Variants in TNPO3 observed in about 807,000 individuals in gnomAD.
TNPO3 encodes the protein transportin-3.
In TNPO3, 65 loss-of-function variants were observed where a neutral mutation model predicts 122.8. That is an observed-to-expected ratio of 0.53 (90% CI 0.43 to 0.65). The LOEUF (loss-of-function observed/expected upper bound fraction) is 0.65. Ranked by LOEUF, TNPO3 falls within the 30% of genes least tolerant of loss-of-function variation. The pLI, the probability that TNPO3 is intolerant of heterozygous loss-of-function variation, is 0.00. For missense variants in TNPO3, 850 were observed against 1,136.7 expected, an observed-to-expected ratio of 0.75 and a Z score of 3.63; for synonymous variants, 372 against 411.2, an observed-to-expected ratio of 0.90 and a Z score of 1.15.
chr7:128,991,909 G>T, intron 10 of TNPO3, 90 bp downstream of exon 10: 1 of 827,828 alleles, frequency 1.2e-6, no homozygotes, highest in Non-Finnish European at 1.9e-6. Context: ...AAAGTCTCCA[G>T]GTATATACCA....
intron 1 of TNPO3, among the ~76,000 whole-genome samples, chr7:129,033,906 C>CAAAAAAAAAAAAAA (rs776103730): frequency 1.4e-5 from 1 of 72,476 alleles, no homozygotes. Context: ...GAGCTAAACT[C>CAAAAAAAAAAAAAA]AAAAAAAAAA....
intron 1 of TNPO3, among the ~76,000 whole-genome samples, chr7:129,051,542 G>A (rs1012603736): frequency 6.6e-6 from 1 of 151,882 alleles, no homozygotes; most frequent in African/African-American, 2.4e-5. Flanking sequence ...TCGCTATGTT[G>A]CCCAGGCTGG....
intron 21 of TNPO3, among the ~76,000 whole-genome samples, chr7:128,960,821 A>G (rs1797375867): frequency 6.6e-6 from 1 of 152,014 alleles, no homozygotes; most frequent in African/African-American, 2.4e-5. Context: ...GTGCGGTGGC[A>G]CAATCTCGGC....
chr7:129,056,131 C>T (rs1490099674), upstream of TNPO3: 17 of 1,034,090 alleles, frequency 1.6e-5, no homozygotes, highest in Non-Finnish European at 2.3e-5. Context: ...CCTGCCGACA[C>T]CAAGGTGATT....
At chr7:129,029,048 C>T (rs182425418) in intron 1 of TNPO3, 48 of 307,308 alleles carry the variant, frequency 1.6e-4, no homozygotes, top group Admixed American at 1.3e-3. Flanking sequence ...TCTAAAGACA[C>T]ATCTAAGATA....
At chr7:128,970,005 A>G (rs1051088562) in intron 20 of TNPO3, 143 bp downstream of exon 20, 1 of 820,594 alleles carries the variant, frequency 1.2e-6, no homozygotes, top group Admixed American at 2.4e-5. Flanking sequence ...CTCTTCATCT[A>G]CCAATCTAAT....
intron 6 of TNPO3, 48 bp downstream of exon 6, chr7:129,001,011 A>C: frequency 1.3e-6 from 2 of 1,586,282 alleles, no homozygotes; most frequent in South Asian, 1.1e-5. Context: ...TAAAAGAATG[A>C]CCAGACTGTA....
chr7:129,054,228 G>A (rs1809173986), intron 1 of TNPO3, among the ~76,000 whole-genome samples: 2 of 152,146 alleles, frequency 1.3e-5, no homozygotes, highest in Non-Finnish European at 2.9e-5. Context: ...GCTACGACTG[G>A]GAGCAAAATG....
chr7:128,998,473 C>G (rs1801580596), intron 7 of TNPO3, among the ~76,000 whole-genome samples: 1 of 152,138 alleles, frequency 6.6e-6, no homozygotes. Context: ...TTCCACACAG[C>G]CTCCTGAGTA....
Position 129,015,075 on chromosome 7 carries a change from T to C in TNPO3, c.456A>G (p.Glu152=). The C allele has an allele frequency of 6.2e-7, 1 of 1,612,458 alleles. No homozygotes were observed. Among genetic ancestry groups the C allele is most frequent in the Non-Finnish European group, 8.5e-7 (1 of 1,179,684 alleles). The change falls in exon 4 of 23, where the codon GAA becomes GAG. Residue 152 remains glutamate (E), a synonymous_variant. Coordinates refer to ENST00000265388, the MANE Select transcript of TNPO3 (RefSeq NM_012470.4). ...TTCGTAAGGAACGACTATGTACTTC[T>C]TCAGGTAACACTGTAAGGATCTCCA... ...FLLEILTVLP[E]EVHSRSLRIG... is the part of the protein sequence containing the mutation.
At chr7:129,002,282 A>G (rs920624132) in intron 5 of TNPO3, among the ~76,000 whole-genome samples, 21 of 152,234 alleles carry the variant, frequency 1.4e-4, no homozygotes, top group Non-Finnish European at 2.2e-4. Context: ...GGGGTTTGAG[A>G]AACAGCTAAC....
At chr7:129,026,559 C>T (rs1260556586) in intron 1 of TNPO3, among the ~76,000 whole-genome samples, 1 of 151,970 alleles carries the variant, frequency 6.6e-6, no homozygotes, top group Non-Finnish European at 1.5e-5. Flanking sequence ...TGTGCCACCA[C>T]ACCCAGCTAA....
At chr7:128,957,442 T>C in intron 21 of TNPO3, 127 bp from the exon 22 acceptor site, 1 of 887,918 alleles carries the variant, frequency 1.1e-6, no homozygotes, top group South Asian at 1.4e-5. Flanking sequence ...CATCGTCTCC[T>C]GAGCGATCCT....
intron 16 of TNPO3, among the ~76,000 whole-genome samples, chr7:128,977,982 A>G (rs1011814889): frequency 1.3e-5 from 2 of 152,152 alleles, no homozygotes; most frequent in African/African-American, 4.8e-5. Context: ...TGGTCACTTC[A>G]GGTTGGGTGG....
At chr7:128,983,276 G>A (rs1039630681) in intron 13 of TNPO3, among the ~76,000 whole-genome samples, 18 of 151,944 alleles carry the variant, frequency 1.2e-4, no homozygotes, top group Admixed American at 7.9e-4. Context: ...GCGCGATTTC[G>A]GTTCAATGCA....
chr7:128,978,595 A>C (rs1327662065), intron 16 of TNPO3, among the ~76,000 whole-genome samples: 1 of 152,182 alleles, frequency 6.6e-6, no homozygotes, highest in Non-Finnish European at 1.5e-5. Flanking sequence ...GTGTTTTTTT[A>C]GTTTGTTAAT....
At chr7:128,989,424 A>C (rs1250935354) in intron 11 of TNPO3, among the ~76,000 whole-genome samples, 1 of 152,210 alleles carries the variant, frequency 6.6e-6, no homozygotes, top group Non-Finnish European at 1.5e-5. Context: ...GGAGGTTAGA[A>C]TAAATCATTT....
rs749106380 is a variant in TNPO3 at position 128,979,032 on chromosome 7, C to T, written c.2012G>A (p.Arg671His). The change falls in exon 16 of 23, where the codon CGC (arginine) becomes CAC (histidine). Residue 671 changes from arginine to histidine, a missense_variant. By Grantham distance (29) the Arg-to-His change is conservative. Transcript: ENST00000265388. ...RCCRCLRFAV[R>H]CVGKGSAALL... Reference sequence around the variant, plus strand: ...TGCTGCAGATCCTTTGCCTACACAGCGAACAGCAAAGCGCAGGCACCTGCA... The same window carrying T: ...TGCTGCAGATCCTTTGCCTACACAGTGAACAGCAAAGCGCAGGCACCTGCA... 2.5e-6 allele frequency: 4 copies of T among 1,614,188 alleles called. No homozygotes were observed. Among genetic ancestry groups the T allele is most frequent in the Admixed American group, 1.7e-5 (1 of 60,030 alleles).
intron 13 of TNPO3, among the ~76,000 whole-genome samples, chr7:128,983,915 G>A (rs1222525925): frequency 6.6e-6 from 1 of 152,100 alleles, no homozygotes; most frequent in Non-Finnish European, 1.5e-5. Context: ...ACTCATACTG[G>A]CTCAGGACAA....
Sources: allele counts gnomAD v4.1 joint callset (sites outside exome capture counted in the v4.1 genomes callset), GRCh38; gene constraint gnomAD v4.1.1; transcripts MANE v1.5; gene names NCBI Gene and HGNC (gene_info 2026-07-23, HGNC 2026-07-21).